WDR49: variants seen among roughly 807,000 people sequenced by gnomAD.
WDR49 encodes cilia- and flagella-associated protein 337.
A neutral mutation model predicts 119.5 loss-of-function variants in WDR49; 107 were observed. The observed-to-expected ratio is 0.90, with a 90% confidence interval of 0.77 to 1.05. WDR49 has a LOEUF of 1.05. Among genes scored for constraint, WDR49 ranks in the 50% least tolerant of loss-of-function variants. WDR49 has a pLI of 0.00. For missense variants in WDR49, 1,240 were observed against 1,220.5 expected (o/e 1.02, Z -0.24); for synonymous variants, 425 against 418.8 (o/e 1.01, Z -0.18).
At chr3:167,656,683 C>A (rs957303363), upstream of WDR49, among the ~76,000 whole-genome samples, 3 of 152,278 alleles carry the variant, frequency 2.0e-5, no homozygotes, top group East Asian at 1.9e-4. Context: ...AGAAATAATT[C>A]TTGATCATAA....
chr3:167,527,560 T>G (rs989817847), intron 15 of WDR49, among the ~76,000 whole-genome samples: 1 of 151,988 alleles, frequency 6.6e-6, no homozygotes, highest in Non-Finnish European at 1.5e-5. Flanking sequence ...AGAGGAGAAT[T>G]TTTTCTCAGA....
At chr3:167,554,517 C>T (rs919075115) in intron 10 of WDR49, 133 bp downstream of exon 10, 1 of 498,348 alleles carries the variant, frequency 2.0e-6, no homozygotes, top group Non-Finnish European at 3.5e-6. Flanking sequence ...ATTCACTAAG[C>T]ATTCAGTCAA....
chr3:167,588,828 T>C (rs1016071748), intron 7 of WDR49, among the ~76,000 whole-genome samples: 1 of 152,178 alleles, frequency 6.6e-6, no homozygotes, highest in Non-Finnish European at 1.5e-5. Context: ...TTGTATATTC[T>C]GGTTATTAAT....
At chr3:167,490,427 C>A (rs1466731562) in intron 18 of WDR49, among the ~76,000 whole-genome samples, 1 of 152,026 alleles carries the variant, frequency 6.6e-6, no homozygotes, top group Non-Finnish European at 1.5e-5. Context: ...TGTTTAGTAT[C>A]CAAAAGGTCC....
intron 17 of WDR49, among the ~76,000 whole-genome samples, chr3:167,500,819 A>G (rs1751533548): frequency 6.6e-6 from 1 of 152,220 alleles, no homozygotes; most frequent in Non-Finnish European, 1.5e-5. Context: ...GTCTTGAACA[A>G]AGTAAAAGAT....
At chr3:167,531,457 T>C (rs1040773233) in intron 12 of WDR49, among the ~76,000 whole-genome samples, 178 bp from the exon 13 acceptor site, 4 of 152,136 alleles carry the variant, frequency 2.6e-5, no homozygotes, top group African/African-American at 7.2e-5. Flanking sequence ...ACTTGAAGAA[T>C]TGTTTGACAT....
At chr3:167,637,956 C>G (rs1559927904) in intron 2 of WDR49, among the ~76,000 whole-genome samples, 4 of 151,526 alleles carry the variant, frequency 2.6e-5, no homozygotes, top group African/African-American at 9.7e-5. Context: ...TTGACTTCCT[C>G]TTTACCAATT....
At chr3:167,505,437 A>G (rs1751730116) in intron 16 of WDR49, 21 bp from the exon 17 acceptor site, 1 of 1,506,314 alleles carries the variant, frequency 6.6e-7, no homozygotes, top group Non-Finnish European at 8.8e-7. Context: ...ATATTTCATG[A>G]TGAAATACAT....
chr3:167,640,268 C>A (rs959557432), intron 2 of WDR49, among the ~76,000 whole-genome samples: 2 of 151,966 alleles, frequency 1.3e-5, no homozygotes, highest in East Asian at 3.9e-4. Context: ...TCGAGAATCT[C>A]TTCTATTGTT....
intron 18 of WDR49, among the ~76,000 whole-genome samples, chr3:167,497,020 G>C (rs1751380907): frequency 6.6e-6 from 1 of 152,098 alleles, no homozygotes; most frequent in African/African-American, 2.4e-5. Flanking sequence ...ACCTTGATAT[G>C]TCCTTCCTCA....
At chr3:167,512,731 G>C (rs1752029547) in intron 16 of WDR49, among the ~76,000 whole-genome samples, 1 of 152,208 alleles carries the variant, frequency 6.6e-6, no homozygotes, top group African/African-American at 2.4e-5. Flanking sequence ...TACAGGAGCT[G>C]TTAGCCAGAA....
At position 167,571,003 on chromosome 3, in the gene WDR49, C is replaced by T. The variant is rs150511747; in HGVS notation, c.1509+4915G>A. On this transcript the variant is annotated intron_variant, in intron 8 of 18. Coordinates refer to ENST00000682715, the MANE Select transcript of WDR49 (RefSeq NM_001366157.1). ...TAGCACCACTTCACTCTAGCTTGGG[C>T]GACAGAGAGAGACTCCATCTCAAAA... Among the ~76,000 whole-genome samples, 727 of 143,208 alleles carry T rather than the reference C, an allele frequency of 5.1e-3. 7 individuals carry two copies. The highest frequency in any genetic ancestry group is 0.018 in the African/African-American group (702 of 37,976). The allele number at this position is 143,208 out of a possible 152,430, so 94.0% of individuals were successfully genotyped here.
intron 7 of WDR49, among the ~76,000 whole-genome samples, chr3:167,595,142 T>A (rs1006478437): frequency 6.6e-6 from 1 of 152,004 alleles, no homozygotes; most frequent in South Asian, 2.1e-4. Flanking sequence ...AATAAAATAC[T>A]TAGGAATCTA....
Position 167,596,989 on chromosome 3 carries a change from G to GA in WDR49, c.1275+5137dup, listed in dbSNP as rs374683444. Among the ~76,000 whole-genome samples the GA allele has an allele frequency of 3.3e-3, 498 of 150,036 alleles. 3 individuals carry two copies. The highest frequency in any genetic ancestry group is 0.011 in the African/African-American group (469 of 41,044). On this transcript the variant is annotated intron_variant, in intron 7 of 18. Coordinates refer to ENST00000682715, the MANE Select transcript of WDR49 (RefSeq NM_001366157.1). ...AGAAAAGAAAAACCCATTTTTTAGG[G>GA]AAAAATTCAAGTTGGCTGCAGAAAT...
At chr3:167,555,567 C>T (rs1233177620) in intron 9 of WDR49, among the ~76,000 whole-genome samples, 1 of 152,158 alleles carries the variant, frequency 6.6e-6, no homozygotes, top group Non-Finnish European at 1.5e-5. Context: ...AAGAAGCAGA[C>T]TTGTGGGACT....
At chr3:167,562,674 A>G (rs574011573) in intron 8 of WDR49, among the ~76,000 whole-genome samples, 3 of 152,336 alleles carry the variant, frequency 2.0e-5, no homozygotes, top group African/African-American at 7.2e-5. Flanking sequence ...TTTGTGCACT[A>G]TACATGGTTG....
intron 9 of WDR49, 115 bp from the exon 10 acceptor site, chr3:167,554,913 A>G (rs1294027587): frequency 7.9e-6 from 6 of 758,314 alleles, no homozygotes; most frequent in Non-Finnish European, 1.2e-5. Flanking sequence ...CTCATCATTG[A>G]ATTTTGCCAC....
In WDR49 at chr3:167,549,464, T is replaced by C. The variant is rs137910646; in HGVS notation, c.1823+5186A>G. ...GACAGCAATGATGAGCATTTTTTCA[T>C]GTGTCTGTTGGCTGCATAAATGTCT... On this transcript the variant is annotated intron_variant, in intron 10 of 18. Coordinates refer to ENST00000682715, the MANE Select transcript of WDR49 (RefSeq NM_001366157.1). 3.3e-3 allele frequency among the ~76,000 whole-genome samples: 505 copies of C among 152,330 alleles called. 3 individuals carry two copies. Among genetic ancestry groups the C allele is most frequent in the African/African-American group, 0.011 (468 of 41,578 alleles).
In WDR49 at chr3:167,560,366, C is replaced by A. The variant is rs1022768931; in HGVS notation, c.1510-138G>T. 22 of 855,548 alleles carry A rather than the reference C, an allele frequency of 2.6e-5. No individual in the cohort carries two copies. In the African/African-American group the frequency reaches 2.9e-4, roughly 11 times the overall value. The allele number at this position is 855,548 out of a possible 1,614,324, so 53.0% of individuals were successfully genotyped here. Reference sequence around the variant, plus strand: ...CAGAGACATTTTTGTAATGGACTTTCTTTCTATTAAGCTGATAACATTTCA... The same window carrying A: ...CAGAGACATTTTTGTAATGGACTTTATTTCTATTAAGCTGATAACATTTCA... On this transcript the variant is annotated intron_variant, in intron 8 of 18. Transcript: ENST00000682715.
Sources: gnomAD v4.1 joint callset for allele counts (sites outside exome capture counted in the v4.1 genomes callset) on GRCh38, gnomAD v4.1.1 for gene constraint, MANE v1.5 for transcripts, NCBI Gene and HGNC (gene_info 2026-07-23, HGNC 2026-07-21) for gene names.